SYNPR: variants seen among roughly 807,000 people sequenced by gnomAD.
The protein encoded by SYNPR is synaptoporin.
In SYNPR, 23 loss-of-function variants were observed where a neutral mutation model predicts 32.9. The ratio of observed to expected loss-of-function variants is 0.70; its 90% CI spans 0.50 to 0.99. The LOEUF is 0.99. Ranked by LOEUF, SYNPR falls within the 50% of genes least tolerant of loss-of-function variation. The pLI is 0.00. For synonymous variants in SYNPR, 146 were observed against 135.9 expected, an observed-to-expected ratio of 1.07 and a Z score of -0.52; for missense variants, 318 against 349.3, an observed-to-expected ratio of 0.91 and a Z score of 0.71.
At chr3:63,214,379 T>C in the SYNPR span, among the ~76,000 whole-genome samples, 3 of 37,580 alleles carry the variant, frequency 8.0e-5, no homozygotes, top group Non-Finnish European at 1.9e-4. Context: ...ATTGCCACAA[T>C]TTCAGAGCCT....
At chr3:63,324,028 C>T (rs949491077) in intron 2 of SYNPR, among the ~76,000 whole-genome samples, 11 of 152,104 alleles carry the variant, frequency 7.2e-5, no homozygotes, top group Non-Finnish European at 1.3e-4. Flanking sequence ...TAGTATACTG[C>T]TTCAATAAGC....
intron 4 of SYNPR, among the ~76,000 whole-genome samples, chr3:63,607,532 G>C (rs1385415084): frequency 6.6e-6 from 1 of 152,010 alleles, no homozygotes; most frequent in Non-Finnish European, 1.5e-5. Context: ...AAAAACCAAG[G>C]TGTAATTGAA....
chr3:63,297,613 G>T (rs1041380936), intron 2 of SYNPR, among the ~76,000 whole-genome samples: 1 of 152,160 alleles, frequency 6.6e-6, no homozygotes, highest in Admixed American at 6.5e-5. Context: ...TCAGAAAAGC[G>T]CATTGAGACA....
intron 4 of SYNPR, among the ~76,000 whole-genome samples, chr3:63,564,462 T>C (rs1444146399): frequency 6.6e-6 from 1 of 151,722 alleles, no homozygotes; most frequent in African/African-American, 2.4e-5. Flanking sequence ...CCCAAAGTGC[T>C]GGGATTGCAG....
intron 2 of SYNPR, among the ~76,000 whole-genome samples, chr3:63,389,386 C>A (rs775403221): frequency 4.6e-5 from 7 of 152,192 alleles, no homozygotes; most frequent in Non-Finnish European, 7.3e-5. Context: ...TGGCTTCATT[C>A]TCAGGCAGGC....
intron 2 of SYNPR, among the ~76,000 whole-genome samples, chr3:63,479,916 G>A (rs1701012672): frequency 6.6e-6 from 1 of 152,162 alleles, no homozygotes; most frequent in Admixed American, 6.5e-5. Context: ...CCAAACTATT[G>A]TAAGAAGCTG....
intron 2 of SYNPR, among the ~76,000 whole-genome samples, chr3:63,362,437 T>C (rs1054687177): frequency 2.6e-5 from 4 of 152,108 alleles, no homozygotes; most frequent in Admixed American, 6.6e-5. Flanking sequence ...ACAGGTTTCC[T>C]AAGATAAATA....
At chr3:63,278,649 T>G (rs1575583923) in intron 1 of SYNPR, 28 bp from the exon 2 acceptor site, 1 of 1,551,148 alleles carries the variant, frequency 6.4e-7, no homozygotes, top group East Asian at 2.4e-5. Context: ...ACGCTTTGCT[T>G]TCTCTCTCTC....
At chr3:63,553,922 T>C (rs556658998) in intron 3 of SYNPR, among the ~76,000 whole-genome samples, 1 of 152,174 alleles carries the variant, frequency 6.6e-6, no homozygotes, top group African/African-American at 2.4e-5. Flanking sequence ...GGTTTCTCCA[T>C]GTTGGTCAGG....
chr3:63,487,258 A>G (rs764659341), intron 3 of SYNPR, among the ~76,000 whole-genome samples: 1 of 152,210 alleles, frequency 6.6e-6, no homozygotes, highest in Non-Finnish European at 1.5e-5. Context: ...GACAGACTAC[A>G]TAGATTCAAA....
chr3:63,453,082 G>A (rs778325481), intron 2 of SYNPR, among the ~76,000 whole-genome samples: 21 of 152,066 alleles, frequency 1.4e-4, no homozygotes, highest in African/African-American at 3.6e-4. Flanking sequence ...GTTCCATCCC[G>A]ACCTATTGAG....
chr3:63,441,802 G>A (rs1575645769), intron 2 of SYNPR, among the ~76,000 whole-genome samples: 1 of 152,210 alleles, frequency 6.6e-6, no homozygotes, highest in African/African-American at 2.4e-5. Context: ...CAAGCGGATC[G>A]AAAGAGATGG....
intron 4 of SYNPR, among the ~76,000 whole-genome samples, chr3:63,571,421 C>G (rs990881260): frequency 6.6e-6 from 1 of 152,012 alleles, no homozygotes; most frequent in Non-Finnish European, 1.5e-5. Flanking sequence ...TATAAACTTC[C>G]AAAACATCCT....
At chr3:63,533,039 T>C (rs539790429) in intron 3 of SYNPR, among the ~76,000 whole-genome samples, 1 of 152,300 alleles carries the variant, frequency 6.6e-6, no homozygotes, top group African/African-American at 2.4e-5. Flanking sequence ...ACTTGACCTA[T>C]ACCTCAATTA....
chr3:63,413,532 A>G (rs1250372797), intron 2 of SYNPR, among the ~76,000 whole-genome samples: 2 of 152,194 alleles, frequency 1.3e-5, no homozygotes, highest in African/African-American at 4.8e-5. Flanking sequence ...GACAAAAGCT[A>G]TTTTCCTTCA....
chr3:63,449,789 C>T (rs767686433), intron 2 of SYNPR, among the ~76,000 whole-genome samples: 1 of 152,178 alleles, frequency 6.6e-6, no homozygotes, highest in Non-Finnish European at 1.5e-5. Flanking sequence ...CTTTGCATAA[C>T]ACTTTACCAC....
chr3:63,458,368 T>C (rs1700522079), intron 2 of SYNPR, among the ~76,000 whole-genome samples: 1 of 152,154 alleles, frequency 6.6e-6, no homozygotes, highest in Non-Finnish European at 1.5e-5. Context: ...GCATGTCTGC[T>C]GATCTTGACT....
At chr3:63,535,216 A>C (rs6794890) in intron 3 of SYNPR, among the ~76,000 whole-genome samples, 37,914 of 152,058 alleles carry the variant, frequency 0.25, 4,865 homozygotes, top group East Asian at 0.33. Context: ...TTCTGAAGTA[A>C]TTAAATTACT....
At chr3:63,252,558 G>A (rs1020882245) in exon 2 of SYNPR, 4 of 152,078 alleles carry the variant, frequency 2.6e-5, no homozygotes, top group Admixed American at 1.3e-4. Flanking sequence ...TCCTGTAAGC[G>A]TGGACATGCA....
Sources: allele counts gnomAD v4.1 joint callset (sites outside exome capture counted in the v4.1 genomes callset), GRCh38; gene constraint gnomAD v4.1.1; transcripts MANE v1.5; gene names NCBI Gene and HGNC (gene_info 2026-07-23, HGNC 2026-07-21).